The following PAX7 variants were observed in gnomAD, a reference collection of about 807,000 sequenced individuals.
The protein encoded by PAX7 is paired box protein Pax-7.
PAX7 carries 18 observed loss-of-function variants against 50.7 expected under a neutral mutation model. The observed-to-expected ratio is 0.36, with a 90% confidence interval of 0.25 to 0.53. PAX7 has a LOEUF of 0.53. Ranked by LOEUF, PAX7 falls within the 20% of genes least tolerant of loss-of-function variation. The probability of loss-of-function intolerance (pLI) is 0.93; values close to 1 mark genes in which losing one functional copy is unlikely to be tolerated. For synonymous variants in PAX7, 310 were observed against 290.4 expected, an observed-to-expected ratio of 1.07 and a Z score of -0.69; for missense variants, 644 against 702.9, an observed-to-expected ratio of 0.92 and a Z score of 0.95.
At chr1:18,722,597 T>C (rs934797396) in intron 7 of PAX7, among the ~76,000 whole-genome samples, 13 of 152,170 alleles carry the variant, frequency 8.5e-5, no homozygotes, top group African/African-American at 2.9e-4. Context: ...TTGTAAAGAA[T>C]GGAGCCTGCG....
At chr1:18,705,440 G>A (rs1293884631) in intron 7 of PAX7, among the ~76,000 whole-genome samples, 1 of 152,202 alleles carries the variant, frequency 6.6e-6, no homozygotes, top group Admixed American at 6.5e-5. Flanking sequence ...TTGGGGTTCT[G>A]TGTGCAGCTG....
At position 18,668,279 on chromosome 1, in the gene PAX7, C is replaced by T. The variant is rs530768004; in HGVS notation, c.587-23475C>T. Among the ~76,000 whole-genome samples the T allele has an allele frequency of 5.3e-5, 8 of 152,338 alleles. No individual in the cohort carries two copies. The East Asian group carries it at 9.6e-4, about 18-fold the overall frequency. ...CTGAGCCACACCCTCTGAATTTCAA[C>T]GTCCTGGCCCACACAAAGCAGGCAC... On this transcript the variant is annotated intron_variant, in intron 4 of 8. Coordinates refer to ENST00000420770, the MANE Select transcript of PAX7 (RefSeq NM_001135254.2).
At chr1:18,664,771 G>A (rs1452823259) in intron 4 of PAX7, among the ~76,000 whole-genome samples, 7 of 152,008 alleles carry the variant, frequency 4.6e-5, no homozygotes, top group African/African-American at 7.3e-5. Context: ...GGGGAGGCTA[G>A]GAGCTCCCTG....
chr1:18,715,077 C>CG (rs1289819962), intron 7 of PAX7, among the ~76,000 whole-genome samples: 1 of 152,172 alleles, frequency 6.6e-6, no homozygotes, highest in Non-Finnish European at 1.5e-5. Context: ...GTAGGAGAGA[C>CG]GGGGGGTGAC....
At chr1:18,666,929 G>A (rs749351733) in intron 4 of PAX7, among the ~76,000 whole-genome samples, 4 of 151,930 alleles carry the variant, frequency 2.6e-5, no homozygotes, top group Admixed American at 6.6e-5. Context: ...TTGGTGGTGG[G>A]GGCATCAGGG....
intron 5 of PAX7, among the ~76,000 whole-genome samples, chr1:18,692,887 T>C (rs2089094890): frequency 6.6e-6 from 1 of 152,132 alleles, no homozygotes; most frequent in Admixed American, 6.5e-5. Flanking sequence ...GCCTGCTCTC[T>C]GTCAGTGGGT....
rs149092349 is a variant in PAX7 at position 18,740,344 on chromosome 1, C to T, written c.1402+4466C>T. ...TGGCAAGCTCCTACTGTGTGCTGGG[C>T]CCATGGGCTGGTCGCTGGGAGAGGC... On this transcript the variant is annotated intron_variant, in intron 8 of 8. Transcript: ENST00000420770. Among the ~76,000 whole-genome samples, 10 of 152,268 alleles carry T rather than the reference C, an allele frequency of 6.6e-5. No individual in the cohort carries two copies. The East Asian group carries it at 1.5e-3, about 23-fold the overall frequency.
At chr1:18,663,575 G>A (rs183848182) in intron 4 of PAX7, among the ~76,000 whole-genome samples, 1 of 152,190 alleles carries the variant, frequency 6.6e-6, no homozygotes, top group Non-Finnish European at 1.5e-5. Flanking sequence ...TAGAGGTGGG[G>A]TTTCGCCATG....
Position 18,692,173 on chromosome 1 carries a change from G to A in PAX7, c.786+220G>A, listed in dbSNP as rs543758682. 3.9e-5 allele frequency among the ~76,000 whole-genome samples: 6 copies of A among 152,278 alleles called. No individual in the cohort carries two copies. The East Asian group carries it at 1.2e-3, about 30-fold the overall frequency. On this transcript the variant is annotated intron_variant, in intron 5 of 8. Transcript: ENST00000420770. Reference sequence around the variant, plus strand: ...GACAGCCCAAGGAGGAGGGAAGAATGAAGGGAGAGATAGAGGGAAGGGGGG... The same window carrying A: ...GACAGCCCAAGGAGGAGGGAAGAATAAAGGGAGAGATAGAGGGAAGGGGGG...
chr1:18,721,234 C>T (rs1448174436), intron 7 of PAX7, among the ~76,000 whole-genome samples: 1 of 152,186 alleles, frequency 6.6e-6, no homozygotes, highest in Non-Finnish European at 1.5e-5. Context: ...CCAGAGCGCT[C>T]AGAGCCCAGG....
chr1:18,705,498 G>A (rs890956202), intron 7 of PAX7, among the ~76,000 whole-genome samples: 2 of 152,168 alleles, frequency 1.3e-5, no homozygotes, highest in African/African-American at 4.8e-5. Context: ...CCAGGCCAGG[G>A]TTGACAATCC....
At chr1:18,685,520 T>C (rs895118866) in intron 4 of PAX7, among the ~76,000 whole-genome samples, 36 of 152,280 alleles carry the variant, frequency 2.4e-4, no homozygotes, top group African/African-American at 6.7e-4. Context: ...TGAAATCACC[T>C]TGGATGGGCC....
At chr1:18,652,053 T>A (rs1014262408) in intron 4 of PAX7, among the ~76,000 whole-genome samples, 1 of 151,882 alleles carries the variant, frequency 6.6e-6, no homozygotes, top group Non-Finnish European at 1.5e-5. Flanking sequence ...CCATCAAGGC[T>A]CACCGGCCCC....
In PAX7 at chr1:18,665,608, C is replaced by T. The variant is rs1470092243; in HGVS notation, c.587-26146C>T. On this transcript the variant is annotated intron_variant, in intron 4 of 8. Transcript: ENST00000420770. ...CAGGATGGTCTCCATCTCTTGACCT[C>T]GTGATCCACCTGCCTCACCCTCCCA... Among the ~76,000 whole-genome samples the T allele has an allele frequency of 4.0e-5, 6 of 150,896 alleles. No homozygotes were observed. The South Asian group carries it at 8.4e-4, about 21-fold the overall frequency.
chr1:18,697,141 T>C (rs1479398414), intron 5 of PAX7, among the ~76,000 whole-genome samples: 1 of 152,136 alleles, frequency 6.6e-6, no homozygotes, highest in African/African-American at 2.4e-5. Context: ...CTGTGCTACA[T>C]GAAGAGAAGG....
intron 4 of PAX7, among the ~76,000 whole-genome samples, chr1:18,658,328 G>T (rs1382772685): frequency 6.6e-6 from 1 of 151,906 alleles, no homozygotes; most frequent in Non-Finnish European, 1.5e-5. Context: ...CCCCAGGGTG[G>T]GTATTTCTGG....
At chr1:18,670,816 G>A (rs75379542) in intron 4 of PAX7, among the ~76,000 whole-genome samples, 4,345 of 152,186 alleles carry the variant, frequency 0.029, 187 homozygotes, top group African/African-American at 0.095. Flanking sequence ...AGGATGTACC[G>A]TTACATGTAG....
At chr1:18,701,652 C>G (rs1266986131) in intron 6 of PAX7, among the ~76,000 whole-genome samples, 1 of 152,176 alleles carries the variant, frequency 6.6e-6, no homozygotes, top group Non-Finnish European at 1.5e-5. Context: ...GTCAGGGTCT[C>G]CTTTGAGGAC....
rs1166120603 is a variant in PAX7 at position 18,700,347 on chromosome 1, G to A, written c.787-306G>A. 2.0e-5 allele frequency among the ~76,000 whole-genome samples: 3 copies of A among 152,122 alleles called. No homozygotes were observed. The East Asian group carries it at 5.8e-4, about 29-fold the overall frequency. ...AGAGCACTGGCCTGAGAGCCACACA[G>A]GACTGGCTGGACCACTGACTCAACC... On this transcript the variant is annotated intron_variant, in intron 5 of 8. Transcript: ENST00000420770. This position sits in a 1 kb window ranked among gnomAD's most constrained non-coding sequence, Gnocchi z 4.8.
Sources: gnomAD v4.1 joint callset for allele counts (sites outside exome capture counted in the v4.1 genomes callset) on GRCh38, gnomAD v4.1.1 for gene constraint, Gnocchi (gnomAD v3.1) non-coding constraint, MANE v1.5 for transcripts, NCBI Gene and HGNC (gene_info 2026-07-23, HGNC 2026-07-21) for gene names.